SPIDR: variants seen among roughly 807,000 people sequenced by gnomAD.
SPIDR encodes the protein DNA repair-scaffolding protein.
In SPIDR, 93 loss-of-function variants were observed where a neutral mutation model predicts 104.6. That is an observed-to-expected ratio of 0.89 (90% CI 0.75 to 1.06). SPIDR has a LOEUF of 1.06. Ranked by LOEUF, SPIDR falls within the 50% of genes least tolerant of loss-of-function variation. The probability of loss-of-function intolerance (pLI) is 0.00; values close to 1 mark genes in which losing one functional copy is unlikely to be tolerated. For missense variants in SPIDR, 1,154 were observed against 1,111.2 expected (o/e 1.04, Z -0.55); for synonymous variants, 431 against 416.9 (o/e 1.03, Z -0.41).
chr8:47,474,825 A>C (rs16926621), intron 8 of SPIDR, among the ~76,000 whole-genome samples: 4 of 152,218 alleles, frequency 2.6e-5, no homozygotes, highest in Non-Finnish European at 5.9e-5. Flanking sequence ...TGTTATTTTC[A>C]TGTTGCAGAG....
intron 5 of SPIDR, among the ~76,000 whole-genome samples, chr8:47,318,747 C>T (rs1186629686): frequency 1.2e-4 from 17 of 143,412 alleles, no homozygotes; most frequent in African/African-American, 3.6e-4. Context: ...GCGGATCTCT[C>T]GGCAGAAACT....
chr8:47,411,382 G>C (rs1271464160), intron 7 of SPIDR, among the ~76,000 whole-genome samples: 1 of 152,156 alleles, frequency 6.6e-6, no homozygotes, highest in Non-Finnish European at 1.5e-5. Flanking sequence ...TCTCATTGTG[G>C]TTTCGATTTG....
intron 5 of SPIDR, among the ~76,000 whole-genome samples, chr8:47,391,049 T>A (rs1186616678): frequency 6.6e-6 from 1 of 152,168 alleles, no homozygotes; most frequent in Non-Finnish European, 1.5e-5. Context: ...ATCGTGTGTT[T>A]CTCACAGTCG....
rs587629238 is a variant in SPIDR at position 47,316,484 on chromosome 8, A to G, written c.525+22454A>G. 3.3e-5 allele frequency among the ~76,000 whole-genome samples: 5 copies of G among 152,348 alleles called. No homozygotes were observed. The East Asian group carries it at 5.8e-4, about 18-fold the overall frequency. On this transcript the variant is annotated intron_variant, in intron 5 of 19. Coordinates refer to ENST00000297423, the MANE Select transcript of SPIDR (RefSeq NM_001080394.4). The stretch of plus-strand genomic sequence containing the variant: ...ATACCCACCAGTTGGAGACTGGATC[A>G]ACAAATAGGTATAGTCATAAATGGA...
chr8:47,644,399 A>C (rs925300523), intron 10 of SPIDR, among the ~76,000 whole-genome samples: 1 of 152,216 alleles, frequency 6.6e-6, no homozygotes, highest in Non-Finnish European at 1.5e-5. Context: ...ACATTCTGTG[A>C]TGATGACGTA....
At chr8:47,489,030 G>C (rs1286993280) in intron 8 of SPIDR, among the ~76,000 whole-genome samples, 10 of 152,168 alleles carry the variant, frequency 6.6e-5, no homozygotes, top group African/African-American at 2.4e-4. Flanking sequence ...AGAAATAAAG[G>C]GTATTCAATT....
chr8:47,394,895 A>G (rs2061074234), intron 5 of SPIDR, among the ~76,000 whole-genome samples: 1 of 152,202 alleles, frequency 6.6e-6, no homozygotes, highest in African/African-American at 2.4e-5. Flanking sequence ...TGAGTTAGGC[A>G]CAAAACTAAA....
intron 8 of SPIDR, among the ~76,000 whole-genome samples, chr8:47,486,037 A>G (rs1306544692): frequency 6.6e-6 from 1 of 152,232 alleles, no homozygotes; most frequent in African/African-American, 2.4e-5. Flanking sequence ...TGAAGGCTTC[A>G]GATGATCAAA....
chr8:47,713,691 T>C (rs774533943), intron 16 of SPIDR, 50 bp downstream of exon 16: 7 of 1,599,236 alleles, frequency 4.4e-6, no homozygotes, highest in African/African-American at 1.3e-5. Context: ...TTAACTGTTA[T>C]ACTTTATATT....
intron 7 of SPIDR, among the ~76,000 whole-genome samples, chr8:47,438,344 C>G (rs1406875661): frequency 6.6e-6 from 1 of 152,218 alleles, no homozygotes. Flanking sequence ...AATTATGTCT[C>G]AAAATGCTCC....
chr8:47,383,542 G>T (rs1554646640), intron 5 of SPIDR, among the ~76,000 whole-genome samples: 1 of 152,160 alleles, frequency 6.6e-6, no homozygotes, highest in East Asian at 1.9e-4. Context: ...AAGTCAGAAT[G>T]CACAGACTTT....
At chr8:47,733,158 G>A (rs1031599058) in intron 19 of SPIDR, among the ~76,000 whole-genome samples, 8 of 152,166 alleles carry the variant, frequency 5.3e-5, no homozygotes, top group East Asian at 1.9e-4. Flanking sequence ...AGGCCCAGTC[G>A]GGCAGATCAC....
At chr8:47,343,018 G>C (rs566958379) in intron 5 of SPIDR, among the ~76,000 whole-genome samples, 1 of 152,304 alleles carries the variant, frequency 6.6e-6, no homozygotes, top group East Asian at 1.9e-4. Context: ...TTAATATTGT[G>C]TTTAGGTGGA....
intron 16 of SPIDR, among the ~76,000 whole-genome samples, chr8:47,716,038 C>CACTGCA (rs758411032): frequency 8.8e-5 from 13 of 147,818 alleles, no homozygotes; most frequent in Non-Finnish European, 1.8e-4. Context: ...GATCTCAGCT[C>CACTGCA]ACTGCAACCT....
chr8:47,644,283 A>T (rs2069809279), intron 10 of SPIDR, among the ~76,000 whole-genome samples: 1 of 152,236 alleles, frequency 6.6e-6, no homozygotes, highest in Non-Finnish European at 1.5e-5. Flanking sequence ...TAGGTAGGAC[A>T]GCCAAGCACA....
chr8:47,573,117 A>C (rs1014735541), intron 8 of SPIDR, among the ~76,000 whole-genome samples: 2 of 152,200 alleles, frequency 1.3e-5, no homozygotes, highest in Admixed American at 1.3e-4. Flanking sequence ...TTCTATTTAA[A>C]ATGAGTTGTC....
At chr8:47,691,172 A>T (rs2078585989) in intron 11 of SPIDR, among the ~76,000 whole-genome samples, 2 of 151,480 alleles carry the variant, frequency 1.3e-5, no homozygotes, top group South Asian at 4.2e-4. Flanking sequence ...CACGCCTGTA[A>T]TCCCAGCTAC....
At chr8:47,601,062 T>A (rs2062214738) in intron 10 of SPIDR, among the ~76,000 whole-genome samples, 1 of 152,238 alleles carries the variant, frequency 6.6e-6, no homozygotes, top group South Asian at 2.1e-4. Flanking sequence ...CGATGTGAGT[T>A]GCATTGTGAA....
intron 8 of SPIDR, among the ~76,000 whole-genome samples, chr8:47,557,615 C>T (rs1587722044): frequency 1.3e-5 from 2 of 152,258 alleles, no homozygotes; most frequent in African/African-American, 4.8e-5. Flanking sequence ...AGGGCAAAAA[C>T]AGGTGTTGGC....
Sources: gnomAD v4.1 joint callset for allele counts (sites outside exome capture counted in the v4.1 genomes callset) on GRCh38, gnomAD v4.1.1 for gene constraint, MANE v1.5 for transcripts, NCBI Gene and HGNC (gene_info 2026-07-23, HGNC 2026-07-21) for gene names.